The following PLSCR4 variants were observed in gnomAD, a reference collection of about 807,000 sequenced individuals.
PLSCR4 encodes the protein phospholipid scramblase 4, also known as Ca(2+)-dependent phospholipid scramblase 4.
Under a neutral mutation model 36.3 loss-of-function variants are expected in PLSCR4, and 25 were observed. The observed-to-expected ratio is 0.69, with a 90% CI of 0.50 to 0.96. The LOEUF is 0.96. Ranked by LOEUF, PLSCR4 falls within the 40% of genes least tolerant of loss-of-function variation. The pLI is 0.00. For synonymous variants in PLSCR4, 122 were observed against 132.9 expected, an observed-to-expected ratio of 0.92 and a Z score of 0.56; for missense variants, 408 against 414.7, an observed-to-expected ratio of 0.98 and a Z score of 0.14.
chr3:146,236,643 G>T (rs2035931487), intron 1 of PLSCR4, among the ~76,000 whole-genome samples: 2 of 152,138 alleles, frequency 1.3e-5, no homozygotes, highest in South Asian at 4.1e-4. Context: ...CATAAGATGT[G>T]ACTTGCTCCT....
At chr3:146,248,029 AT>A (rs879516327) in intron 1 of PLSCR4, among the ~76,000 whole-genome samples, 24 of 152,228 alleles carry the variant, frequency 1.6e-4, no homozygotes, top group Non-Finnish European at 2.9e-4. Context: ...ATAAAAATGA[AT>A]TTTAGCACAA....
intron 2 of PLSCR4, 92 bp from the exon 3 acceptor site, chr3:146,221,017 A>G: frequency 1.4e-6 from 1 of 691,194 alleles, no homozygotes; most frequent in South Asian, 2.2e-5. Context: ...GAATGCATCA[A>G]GAAATATAAT....
intron 5 of PLSCR4, 29 bp from the exon 6 acceptor site, chr3:146,200,068 T>C (rs773884875): frequency 1.6e-6 from 2 of 1,271,686 alleles, no homozygotes; most frequent in South Asian, 1.2e-5. Flanking sequence ...AAGTCTATAT[T>C]AGAAACATTT....
At chr3:146,214,977 C>T (rs1913184) in intron 3 of PLSCR4, among the ~76,000 whole-genome samples, 112,150 of 151,910 alleles carry the variant, frequency 0.74, 41,694 homozygotes, top group South Asian at 0.81. Context: ...TATATGAATA[C>T]ACTCATTCTG....
rs1001394003 is a variant in PLSCR4 at position 146,194,306 on chromosome 3, C to A, written c.*105G>T. The A allele has an allele frequency of 1.4e-5, 11 of 798,428 alleles. No homozygotes were observed. The highest frequency in any genetic ancestry group is 2.0e-5 in the Non-Finnish European group (9 of 461,262). The allele number at this position is 798,428 out of a possible 1,614,324, so 49.5% of individuals were successfully genotyped here. A position where few individuals can be genotyped will look rare whatever the true frequency, so the allele number is the denominator to read the frequency against. On this transcript the variant is annotated 3_prime_UTR_variant, in exon 9 of 9. Transcript: ENST00000354952. ...GTTAACACCCAATAAAAATACTCTACAAAGCAAAGAAATACACTTGCAAAT... is the reference window on the plus strand; with the variant it reads ...GTTAACACCCAATAAAAATACTCTAAAAAGCAAAGAAATACACTTGCAAAT...
At chr3:146,195,596 G>C (rs2033693856) in intron 7 of PLSCR4, among the ~76,000 whole-genome samples, 1 of 152,172 alleles carries the variant, frequency 6.6e-6, no homozygotes, top group Non-Finnish European at 1.5e-5. Context: ...GGTGGGAATT[G>C]GGAGAGAGTC....
In PLSCR4 at chr3:146,194,370, T is replaced by C; in HGVS notation, c.*41A>G. 6.9e-7 allele frequency: 1 copy of C among 1,455,066 alleles called. No homozygotes were observed. The highest frequency in any genetic ancestry group is 9.6e-7 in the Non-Finnish European group (1 of 1,036,800). The allele number at this position is 1,455,066 out of a possible 1,614,324, so 90.1% of individuals were successfully genotyped here. A position where few individuals can be genotyped will look rare whatever the true frequency, so the allele number is the denominator to read the frequency against. ...CTGTAAGCCCAATCCAACTTTTCCA[T>C]TTTTCAAAATTAACCATAGTTGATG... On this transcript the variant is annotated 3_prime_UTR_variant, in exon 9 of 9. Transcript: ENST00000354952.
chr3:146,198,766 T>C (rs1223087469), intron 6 of PLSCR4, among the ~76,000 whole-genome samples: 1 of 152,070 alleles, frequency 6.6e-6, no homozygotes, highest in Non-Finnish European at 1.5e-5. Context: ...GCTGTATCTA[T>C]AGGCTTTGAT....
intron 3 of PLSCR4, among the ~76,000 whole-genome samples, chr3:146,212,844 T>A (rs2034693379): frequency 1.3e-5 from 2 of 152,172 alleles, no homozygotes; most frequent in African/African-American, 4.8e-5. Context: ...TAATGTTTGG[T>A]GTGAGTTTTT....
intron 1 of PLSCR4, chr3:146,250,656 C>G (rs1167823992): frequency 1.3e-5 from 2 of 152,310 alleles, no homozygotes; most frequent in African/African-American, 2.4e-5. Context: ...CAGAGCGAAA[C>G]GAAAGGGCCG....
intron 1 of PLSCR4, among the ~76,000 whole-genome samples, chr3:146,235,162 G>T (rs2035864148): frequency 1.3e-5 from 2 of 152,158 alleles, no homozygotes; most frequent in South Asian, 4.1e-4. Flanking sequence ...ATGATGATAT[G>T]GTTCAGCTCT....
chr3:146,215,819 A>C (rs1260749961), intron 3 of PLSCR4, among the ~76,000 whole-genome samples: 1 of 152,190 alleles, frequency 6.6e-6, no homozygotes, highest in African/African-American at 2.4e-5. Context: ...ATGTCTCCCT[A>C]AGTAAACACA....
chr3:146,244,461 C>T (rs1431532698), intron 1 of PLSCR4, among the ~76,000 whole-genome samples: 1 of 152,084 alleles, frequency 6.6e-6, no homozygotes, highest in Non-Finnish European at 1.5e-5. Flanking sequence ...TTTTGCAGAA[C>T]AGCAACTTCT....
chr3:146,229,770 G>A (rs1004626277), intron 1 of PLSCR4, among the ~76,000 whole-genome samples: 1 of 151,602 alleles, frequency 6.6e-6, no homozygotes, highest in East Asian at 1.9e-4. Context: ...AACTACAGGC[G>A]CCCGCCACCA....
At chr3:146,200,078 T>A in intron 5 of PLSCR4, 39 bp from the exon 6 acceptor site, 1 of 1,176,616 alleles carries the variant, frequency 8.5e-7, no homozygotes, top group Non-Finnish European at 1.3e-6. Flanking sequence ...TAGAAACATT[T>A]AAAATGGGCC....
intron 1 of PLSCR4, among the ~76,000 whole-genome samples, chr3:146,239,209 C>T (rs1029549835): frequency 6.6e-6 from 1 of 152,024 alleles, no homozygotes; most frequent in African/African-American, 2.4e-5. Context: ...TTGCCTTTTT[C>T]CAGAAACTAA....
chr3:146,229,714 TC>T (rs1283086692), intron 1 of PLSCR4, among the ~76,000 whole-genome samples: 1 of 151,744 alleles, frequency 6.6e-6, no homozygotes, highest in Non-Finnish European at 1.5e-5. Context: ...AAGCTCCGCC[TC>T]CCGGGTCCAC....
At chr3:146,196,554 G>T in intron 7 of PLSCR4, 78 bp downstream of exon 7, 2 of 1,352,526 alleles carry the variant, frequency 1.5e-6, no homozygotes, top group East Asian at 2.3e-5. Context: ...AAAAAAAAAT[G>T]TCTACAACCA....
chr3:146,205,189 A>T (rs577345896), intron 4 of PLSCR4, among the ~76,000 whole-genome samples: 1 of 152,004 alleles, frequency 6.6e-6, no homozygotes, highest in Admixed American at 6.6e-5. Context: ...ACAACAACAA[A>T]AAAGATTCAG....
Sources: gnomAD v4.1 joint callset for allele counts (sites outside exome capture counted in the v4.1 genomes callset) on GRCh38, gnomAD v4.1.1 for gene constraint, MANE v1.5 for transcripts, NCBI Gene and HGNC (gene_info 2026-07-23, HGNC 2026-07-21) for gene names.